Variants in ERC1 observed in about 807,000 individuals in gnomAD.
ERC1 encodes ELKS/RAB6-interacting/CAST family member 1.
ERC1 carries 56 observed loss-of-function variants against 132.0 expected under a neutral mutation model. The ratio of observed to expected loss-of-function variants is 0.42; its 90% CI spans 0.34 to 0.53. ERC1 has a LOEUF of 0.53. Ranked by LOEUF, ERC1 falls within the 20% of genes least tolerant of loss-of-function variation. The pLI is 0.03. For missense variants in ERC1, 1,202 were observed against 1,349.9 expected (o/e 0.89, Z 1.72); for synonymous variants, 478 against 476.1 (o/e 1.00, Z -0.05).
At chr12:1,337,892 G>T (rs1032598020) in intron 15 of ERC1, among the ~76,000 whole-genome samples, 19 of 152,170 alleles carry the variant, frequency 1.2e-4, no homozygotes, top group African/African-American at 4.6e-4. Context: ...TAGGGTTTCT[G>T]CTGAGAGGTC....
chr12:1,095,594 C>A (rs952655687), intron 3 of ERC1, among the ~76,000 whole-genome samples: 1 of 152,022 alleles, frequency 6.6e-6, no homozygotes, highest in Non-Finnish European at 1.5e-5. Context: ...ATACTTCTAC[C>A]TCTAATTTTT....
intron 14 of ERC1, among the ~76,000 whole-genome samples, chr12:1,289,502 TTTGTA>T (rs2079284742): frequency 6.6e-6 from 1 of 152,300 alleles, no homozygotes; most frequent in Non-Finnish European, 1.5e-5. Context: ...TTTTTTTATA[TTTGTA>T]TTGTATTATT....
intron 7 of ERC1, among the ~76,000 whole-genome samples, chr12:1,137,669 G>A (rs1274650632): frequency 4.0e-5 from 6 of 150,682 alleles, no homozygotes; most frequent in Non-Finnish European, 1.5e-5. Context: ...GGCCAACATG[G>A]CGAAACCCCG....
chr12:1,137,100 C>CTTTTTTTTTTTTTTTTTTT (rs944757047), intron 7 of ERC1, among the ~76,000 whole-genome samples: 2 of 122,914 alleles, frequency 1.6e-5, no homozygotes, highest in African/African-American at 3.1e-5. Context: ...TTTTTCTTTT[C>CTTTTTTTTTTTTTTTTTTT]TTTTTTTTTT....
At chr12:1,184,793 T>A (rs1200026277) in intron 11 of ERC1, among the ~76,000 whole-genome samples, 1 of 152,122 alleles carries the variant, frequency 6.6e-6, no homozygotes, top group African/African-American at 2.4e-5. Flanking sequence ...TGCTCTGTCG[T>A]CCAGGCTGGA....
chr12:1,323,565 T>TA (rs2082254422), intron 15 of ERC1, among the ~76,000 whole-genome samples: 1 of 152,230 alleles, frequency 6.6e-6, no homozygotes, highest in Non-Finnish European at 1.5e-5. Context: ...ACTCAAATGC[T>TA]ATGTTTGTAC....
At chr12:1,345,442 C>G (rs1199367255) in intron 15 of ERC1, among the ~76,000 whole-genome samples, 1 of 152,142 alleles carries the variant, frequency 6.6e-6, no homozygotes, top group East Asian at 1.9e-4. Context: ...CTCGGCCTCC[C>G]AAAGTGCTGG....
chr12:1,332,860 C>A (rs570426927), intron 15 of ERC1, among the ~76,000 whole-genome samples: 27 of 152,246 alleles, frequency 1.8e-4, no homozygotes, highest in Middle Eastern at 6.8e-3. Flanking sequence ...GAAACCATTG[C>A]AGCTATTCAA....
intron 7 of ERC1, among the ~76,000 whole-genome samples, chr12:1,117,846 A>G (rs1180109257): frequency 2.0e-5 from 3 of 152,224 alleles, no homozygotes; most frequent in Non-Finnish European, 4.4e-5. Context: ...ATTAAGCTAA[A>G]CTTAGGTTTA....
chr12:1,000,917 TTTTGTTTG>T (rs956851335), intron 1 of ERC1, among the ~76,000 whole-genome samples: 1 of 152,192 alleles, frequency 6.6e-6, no homozygotes, highest in Non-Finnish European at 1.5e-5. Flanking sequence ...TAATTAACTT[TTTTGTTTG>T]TTTGTTTTTT....
chr12:1,142,195 C>T (rs1204576415), intron 8 of ERC1, among the ~76,000 whole-genome samples: 2 of 152,030 alleles, frequency 1.3e-5, no homozygotes, highest in Non-Finnish European at 2.9e-5. Flanking sequence ...GCATCCAGAC[C>T]AACACATAAT....
intron 9 of ERC1, among the ~76,000 whole-genome samples, 181 bp from the exon 10 acceptor site, chr12:1,181,744 T>G (rs1337684812): frequency 1.3e-5 from 2 of 150,806 alleles, no homozygotes; most frequent in African/African-American, 4.9e-5. Flanking sequence ...GATCACGCCA[T>G]TACACTCGAG....
chr12:1,236,616 G>A (rs1490143645), intron 12 of ERC1, among the ~76,000 whole-genome samples, 153 bp from the exon 13 acceptor site: 1 of 152,184 alleles, frequency 6.6e-6, no homozygotes, highest in African/African-American at 2.4e-5. Context: ...CCATTGAGAG[G>A]AACGAATTTG....
chr12:1,272,732 G>A (rs913763837), intron 14 of ERC1, among the ~76,000 whole-genome samples: 2 of 151,900 alleles, frequency 1.3e-5, no homozygotes, highest in Admixed American at 6.6e-5. Context: ...GGTGGATGAC[G>A]AGGTCAAGAG....
At chr12:1,295,489 G>A (rs1008983182) in intron 15 of ERC1, among the ~76,000 whole-genome samples, 12 of 152,178 alleles carry the variant, frequency 7.9e-5, no homozygotes, top group African/African-American at 2.9e-4. Flanking sequence ...GCTACAGAAT[G>A]AGAGTGGAAT....
Position 1,189,763 on chromosome 12 carries a change from C to G in ERC1, c.2158-96C>G, listed in dbSNP as rs1184600498. ...ACTAACTGGTAGATATTTGATAATTCTGTACTTAAATTGGAATATAAATCA... is the reference window on the plus strand; with the variant it reads ...ACTAACTGGTAGATATTTGATAATTGTGTACTTAAATTGGAATATAAATCA... On this transcript the variant is annotated intron_variant, in intron 11 of 18. Coordinates refer to ENST00000360905, the MANE Select transcript of ERC1 (RefSeq NM_178040.4). 1.1e-5 allele frequency: 10 copies of G among 932,658 alleles called. No individual in the cohort carries two copies. In the East Asian group the frequency reaches 2.1e-4, roughly 19 times the overall value. The allele number at this position is 932,658 out of a possible 1,614,324, so 57.8% of individuals were successfully genotyped here.
intron 16 of ERC1, among the ~76,000 whole-genome samples, chr12:1,394,743 C>T (rs997111322): frequency 1.3e-5 from 2 of 152,304 alleles, no homozygotes; most frequent in Admixed American, 6.5e-5. Flanking sequence ...TTGTAAGTTT[C>T]CTGAGGCCTT....
At chr12:1,195,833 A>G (rs1485446799) in intron 12 of ERC1, among the ~76,000 whole-genome samples, 2 of 150,380 alleles carry the variant, frequency 1.3e-5, no homozygotes, top group Non-Finnish European at 2.9e-5. Flanking sequence ...CGTTACTTCC[A>G]ACCCAGTGCA....
At chr12:1,274,484 A>ATTTATTTATTTAT (rs2078112113) in intron 14 of ERC1, among the ~76,000 whole-genome samples, 1 of 147,750 alleles carries the variant, frequency 6.8e-6, no homozygotes, top group African/African-American at 2.6e-5. Flanking sequence ...ATTTTATTTT[A>ATTTATTTATTTAT]TTTATTTATT....
Sources: allele counts gnomAD v4.1 joint callset (sites outside exome capture counted in the v4.1 genomes callset), GRCh38; gene constraint gnomAD v4.1.1; transcripts MANE v1.5; gene names NCBI Gene and HGNC (gene_info 2026-07-23, HGNC 2026-07-21).